The following TRDN variants were observed in gnomAD, a reference collection of about 807,000 sequenced individuals.
TRDN encodes the protein triadin in skeletal muscle.
In TRDN, 161 loss-of-function variants were observed where a neutral mutation model predicts 149.7. The observed-to-expected ratio is 1.08, with a 90% CI of 0.95 to 1.23. The LOEUF (loss-of-function observed/expected upper bound fraction) is 1.23, where lower values mean the gene tolerates loss of function less well. Ranked by LOEUF, TRDN falls within the 50% of genes most tolerant of loss-of-function variation. The probability of loss-of-function intolerance (pLI) is 0.00; values close to 1 mark genes in which losing one functional copy is unlikely to be tolerated. For missense variants in TRDN, 896 were observed against 823.5 expected, an observed-to-expected ratio of 1.09 and a Z score of -1.08; for synonymous variants, 294 against 250.5, an observed-to-expected ratio of 1.17 and a Z score of -1.64.
At chr6:123,394,248 T>A (rs929556900) in intron 12 of TRDN, among the ~76,000 whole-genome samples, 2 of 152,108 alleles carry the variant, frequency 1.3e-5, no homozygotes, top group Admixed American at 6.6e-5. Context: ...GTTCTAAGTT[T>A]TTTTTGCTAT....
intron 23 of TRDN, among the ~76,000 whole-genome samples, chr6:123,322,785 T>C (rs1779293850): frequency 6.6e-6 from 1 of 151,668 alleles, no homozygotes; most frequent in South Asian, 2.1e-4. Context: ...GGACTATAGG[T>C]GCCTACCACC....
At chr6:123,557,072 C>G (rs1781708382) in intron 2 of TRDN, among the ~76,000 whole-genome samples, 1 of 151,386 alleles carries the variant, frequency 6.6e-6, no homozygotes. Flanking sequence ...CCCTGCCCGC[C>G]AGAGAATAAC....
chr6:123,416,698 C>CTTTTTTTTTTTTTTTTTTTTTTTTTT (rs139842688), intron 12 of TRDN, among the ~76,000 whole-genome samples: 2 of 146,272 alleles, frequency 1.4e-5, no homozygotes, highest in African/African-American at 2.5e-5. Context: ...TTCTTTTCCT[C>CTTTTTTTTTTTTTTTTTTTTTTTTTT]TTTTTTTCTT....
intron 21 of TRDN, among the ~76,000 whole-genome samples, chr6:123,347,641 TGATTGTACTTGCAATCAGAA>T (rs1271118502): frequency 2.0e-5 from 3 of 152,060 alleles, no homozygotes; most frequent in Non-Finnish European, 2.9e-5. Context: ...TCCTGTTGAT[TGATTGTACTTGCAATCAGAA>T]GACAGCTTGT....
chr6:123,281,369 G>T (rs981504239), intron 24 of TRDN, among the ~76,000 whole-genome samples: 1 of 151,982 alleles, frequency 6.6e-6, no homozygotes, highest in African/African-American at 2.4e-5. Context: ...CCCACCTACT[G>T]CTCTTAACAT....
intron 14 of TRDN, 33 bp downstream of exon 14, chr6:123,388,489 A>G: frequency 6.3e-7 from 1 of 1,577,014 alleles, no homozygotes; most frequent in Non-Finnish European, 8.6e-7. Context: ...TTGTACTCAC[A>G]AAAGGCTCAG....
chr6:123,332,667 C>A (rs1322969456), intron 22 of TRDN, among the ~76,000 whole-genome samples: 2 of 151,978 alleles, frequency 1.3e-5, no homozygotes, highest in Non-Finnish European at 2.9e-5. Flanking sequence ...AACATTAATG[C>A]TCAATAAAGA....
intron 10 of TRDN, among the ~76,000 whole-genome samples, chr6:123,443,625 GA>G (rs1427709635): frequency 2.0e-5 from 3 of 151,782 alleles, no homozygotes; most frequent in Non-Finnish European, 4.4e-5. Flanking sequence ...ATCCCGTCAC[GA>G]CTAAAAATAC....
intron 2 of TRDN, among the ~76,000 whole-genome samples, chr6:123,549,319 G>A (rs1284294507): frequency 2.6e-5 from 4 of 151,914 alleles, no homozygotes; most frequent in African/African-American, 9.7e-5. Context: ...AAATATATTA[G>A]GGATTTCCAA....
intron 12 of TRDN, among the ~76,000 whole-genome samples, chr6:123,426,219 T>G (rs1294526272): frequency 6.6e-6 from 1 of 152,136 alleles, no homozygotes; most frequent in Non-Finnish European, 1.5e-5. Flanking sequence ...TCTTCTAATT[T>G]TTATTTTCTG....
At chr6:123,425,308 T>C (rs1774077795) in intron 12 of TRDN, among the ~76,000 whole-genome samples, 1 of 148,960 alleles carries the variant, frequency 6.7e-6, no homozygotes, top group African/African-American at 2.5e-5. Flanking sequence ...TGTTGTTTGT[T>C]CAAAAAAACA....
Position 123,260,643 on chromosome 6 carries a change from A to C in TRDN, c.1805-5T>G. On this transcript the variant is annotated splice_region_variant and splice_polypyrimidine_tract_variant and intron_variant, in intron 33 of 40. Coordinates refer to ENST00000334268, the MANE Select transcript of TRDN (RefSeq NM_006073.4). ...CTGTGACTTCTGATGTTCCTTCTTT[A>C]GAAAAAAAAAAAAAAAGAATGTAGA... 1 of 1,228,502 alleles carries C rather than the reference A, an allele frequency of 8.1e-7. No homozygotes were observed. The highest frequency in any genetic ancestry group is 1.1e-6 in the Non-Finnish European group (1 of 950,278). 76.1% of individuals were successfully genotyped at this position (1,228,502 alleles called of 1,614,324 possible).
intron 23 of TRDN, among the ~76,000 whole-genome samples, chr6:123,317,892 C>G (rs183454128): frequency 6.6e-6 from 1 of 152,002 alleles, no homozygotes; most frequent in East Asian, 2.0e-4. Context: ...GAAGTTGATT[C>G]ATCTTATGAC....
chr6:123,350,288 C>T, intron 21 of TRDN: 1 of 948,458 alleles, frequency 1.1e-6, no homozygotes. Context: ...TTTTGAGATA[C>T]TGGAATATCC....
chr6:123,608,500 T>G (rs1179169030), intron 1 of TRDN, among the ~76,000 whole-genome samples: 1 of 152,150 alleles, frequency 6.6e-6, no homozygotes, highest in African/African-American at 2.4e-5. Context: ...GGCTATATAT[T>G]TCAAATATAT....
intron 9 of TRDN, among the ~76,000 whole-genome samples, chr6:123,481,939 A>G (rs1439170700): frequency 1.3e-5 from 2 of 152,332 alleles, no homozygotes; most frequent in African/African-American, 2.4e-5. Flanking sequence ...TCTAATTCCT[A>G]GAAAATAAAA....
rs77179330 is a variant in TRDN at position 123,241,555 on chromosome 6, A to G, written c.1975+10857T>C. 3.6e-4 allele frequency among the ~76,000 whole-genome samples: 54 copies of G among 151,986 alleles called. No homozygotes were observed. The East Asian group carries it at 0.01, about 29-fold the overall frequency. ...ATTTATAAAGGAAGGAAAAAAATGC[A>G]GAACCAAAATACTAGATCAGAATAT... On this transcript the variant is annotated intron_variant, in intron 38 of 40. Transcript: ENST00000334268.
At chr6:123,449,124 A>G (rs1775602605) in intron 10 of TRDN, among the ~76,000 whole-genome samples, 1 of 152,148 alleles carries the variant, frequency 6.6e-6, no homozygotes, top group Admixed American at 6.5e-5. Flanking sequence ...ATGAGAAGGA[A>G]CCAGAAAACC....
Position 123,221,778 on chromosome 6 carries a change from T to C in TRDN, c.2015-256A>G, listed in dbSNP as rs184553789. On this transcript the variant is annotated intron_variant, in intron 39 of 40. Transcript: ENST00000334268. Reference sequence around the variant, plus strand: ...CAAACAATTGTTTAAATAGGAAAACTGGCCCTGATGTGTCAGATATTCATT... The same window carrying C: ...CAAACAATTGTTTAAATAGGAAAACCGGCCCTGATGTGTCAGATATTCATT... Among the ~76,000 whole-genome samples, 23 of 151,826 alleles carry C rather than the reference T, an allele frequency of 1.5e-4. No individual in the cohort carries two copies. In the East Asian group the frequency reaches 4.3e-3, roughly 28 times the overall value.
Sources: allele counts gnomAD v4.1 joint callset (sites outside exome capture counted in the v4.1 genomes callset), GRCh38; gene constraint gnomAD v4.1.1; transcripts MANE v1.5; gene names NCBI Gene and HGNC (gene_info 2026-07-23, HGNC 2026-07-21).